POLA2: variants seen among roughly 807,000 people sequenced by gnomAD.
The protein encoded by POLA2 is DNA polymerase alpha subunit B.
In POLA2, 47 loss-of-function variants were observed where a neutral mutation model predicts 82.8. The observed-to-expected ratio is 0.57, with a 90% CI of 0.45 to 0.72. The LOEUF is 0.72. POLA2 is among the 30% of genes least tolerant of loss of function. POLA2 has a pLI of 0.00. For synonymous variants in POLA2, 287 were observed against 286.8 expected, an observed-to-expected ratio of 1.00 and a Z score of -0.01; for missense variants, 634 against 728.1, an observed-to-expected ratio of 0.87 and a Z score of 1.49.
At chr11:65,270,594 AAGAACCTTGG>A (rs536898484) in intron 4 of POLA2, among the ~76,000 whole-genome samples, 81 of 152,312 alleles carry the variant, frequency 5.3e-4, no homozygotes, top group Middle Eastern at 3.4e-3. Flanking sequence ...GACTCAGGCC[AAGAACCTTGG>A]AGACCTCCTT....
At chr11:65,281,224 T>C (rs1297015182) in intron 8 of POLA2, 77 bp downstream of exon 8, 6 of 1,424,744 alleles carry the variant, frequency 4.2e-6, no homozygotes, top group Non-Finnish European at 3.9e-6. Flanking sequence ...CATGCGCAGC[T>C]GCTCCTCAGT....
chr11:65,294,021 A>G, intron 13 of POLA2, 132 bp from the exon 14 acceptor site: 1 of 771,168 alleles, frequency 1.3e-6, no homozygotes, highest in South Asian at 1.4e-5. Context: ...TTCATAACAG[A>G]GTGCAGTTCT....
At position 65,262,216 on chromosome 11, in the gene POLA2, C is replaced by T. The variant is rs568716201; in HGVS notation, c.-77C>T. 6.5e-3 allele frequency: 7,459 copies of T among 1,147,842 alleles called. 32 individuals carry two copies. Among genetic ancestry groups the T allele is most frequent in the Non-Finnish European group, 7.8e-3 (6,075 of 778,302 alleles). The allele number at this position is 1,147,842 out of a possible 1,614,324, so 71.1% of individuals were successfully genotyped here. A position where few individuals can be genotyped will look rare whatever the true frequency, so the allele number is the denominator to read the frequency against. Reference sequence around the variant, plus strand: ...GGATAAGAGGGCGAGGAGCTCATCGCTCGCCACCCCCGTGGGCTTCTTGGG... The same window carrying T: ...GGATAAGAGGGCGAGGAGCTCATCGTTCGCCACCCCCGTGGGCTTCTTGGG... On this transcript the variant is annotated 5_prime_UTR_variant, in exon 1 of 18. Coordinates refer to ENST00000265465, the MANE Select transcript of POLA2 (RefSeq NM_002689.4).
chr11:65,271,838 G>GAA (rs1213411869), intron 4 of POLA2, among the ~76,000 whole-genome samples: 879 of 83,274 alleles, frequency 0.011, 15 homozygotes, highest in African/African-American at 0.036. Flanking sequence ...GACTCCGTCT[G>GAA]AAAAAAAAAA....
downstream of POLA2, among the ~76,000 whole-genome samples, chr11:65,299,474 C>T (rs1949846263): frequency 6.6e-6 from 1 of 152,164 alleles, no homozygotes; most frequent in South Asian, 2.1e-4. Context: ...CCTGGGAACC[C>T]AAGTGGGTGC....
At chr11:65,295,793 C>G (rs1370190442) in intron 16 of POLA2, 71 bp from the exon 17 acceptor site, 2 of 1,563,822 alleles carry the variant, frequency 1.3e-6, no homozygotes, top group South Asian at 1.1e-5. Flanking sequence ...AAGCCAGTAC[C>G]TAGGGGGACT....
chr11:65,275,525 G>A (rs1387218131), intron 4 of POLA2, among the ~76,000 whole-genome samples: 1 of 152,170 alleles, frequency 6.6e-6, no homozygotes. Flanking sequence ...AGGAAAATGT[G>A]TACACATAGA....
At chr11:65,291,757 C>T (rs988364606) in intron 13 of POLA2, among the ~76,000 whole-genome samples, 1 of 152,210 alleles carries the variant, frequency 6.6e-6, no homozygotes, top group African/African-American at 2.4e-5. Context: ...ACAGATGAGG[C>T]ATTGTCACAC....
intron 4 of POLA2, among the ~76,000 whole-genome samples, chr11:65,273,565 A>G (rs906783370): frequency 3.3e-5 from 5 of 151,912 alleles, no homozygotes; most frequent in Non-Finnish European, 7.4e-5. Flanking sequence ...GCCCCACAAC[A>G]CTGGCCGTGG....
intron 1 of POLA2, 76 bp downstream of exon 1, chr11:65,262,447 A>T (rs1949409931): frequency 2.5e-6 from 3 of 1,224,360 alleles, no homozygotes; most frequent in Non-Finnish European, 3.4e-6. Flanking sequence ...TAGAACCGAA[A>T]GTGGAGCGCT....
At position 65,264,170 on chromosome 11, in the gene POLA2, C is replaced by T. The variant is rs150943541; in HGVS notation, c.79+1799C>T. ...GCAACCTCTGCCTCCCGAGTTCAAG[C>T]GGTTCTCCTGCCTCAGCCTCCCGAG... On this transcript the variant is annotated intron_variant, in intron 1 of 17. Transcript: ENST00000265465. Among the ~76,000 whole-genome samples the T allele has an allele frequency of 3.9e-3, 594 of 152,228 alleles. 2 individuals carry two copies. The highest frequency in any genetic ancestry group is 6.8e-3 in the Middle Eastern group (2 of 294).
At chr11:65,287,934 CT>C in intron 11 of POLA2, 94 bp downstream of exon 11, 2 of 1,179,738 alleles carry the variant, frequency 1.7e-6, no homozygotes, top group Non-Finnish European at 2.4e-6. Flanking sequence ...GTCCCTCCTC[CT>C]TTTAGAAAAT....
chr11:65,304,692 T>C (rs1949877439), intron 8 of POLA2, among the ~76,000 whole-genome samples: 1 of 151,360 alleles, frequency 6.6e-6, no homozygotes, highest in Non-Finnish European at 1.5e-5. Flanking sequence ...CCAGGTGAGG[T>C]GGAGGGAGCA....
In POLA2 at chr11:65,294,638, C is replaced by A; in HGVS notation, c.1446C>A (p.Ala482=). The change falls in exon 15 of 18, where the codon GCC becomes GCA. Residue 482 remains alanine, a synonymous_variant. Coordinates refer to ENST00000265465, the MANE Select transcript of POLA2 (RefSeq NM_002689.4). ...TSTDLLFHLG[A]EEISSSSGTS... ...CAGATCTGCTTTTCCACCTGGGGGCCGAGGAGATCAGTAGGTAAGAAGTGT... is the reference window on the plus strand; with the variant it reads ...CAGATCTGCTTTTCCACCTGGGGGCAGAGGAGATCAGTAGGTAAGAAGTGT... 6.2e-7 allele frequency: 1 copy of A among 1,612,696 alleles called. No individual in the cohort carries two copies. Among genetic ancestry groups the A allele is most frequent in the Non-Finnish European group, 8.5e-7 (1 of 1,178,844 alleles).
downstream of POLA2, among the ~76,000 whole-genome samples, chr11:65,301,342 C>G (rs756397064): frequency 3.3e-5 from 5 of 152,148 alleles, no homozygotes; most frequent in South Asian, 1.0e-3. Context: ...CTGTGCCTCA[C>G]CCTGACCACC....
At chr11:65,296,357 C>A (rs1949810735) in intron 17 of POLA2, 1 of 220,354 alleles carries the variant, frequency 4.5e-6, no homozygotes, top group Admixed American at 5.1e-5. Context: ...GTGGGCTCAG[C>A]TGGGAATACC....
intron 3 of POLA2, 79 bp downstream of exon 3, chr11:65,267,647 T>A: frequency 1.1e-6 from 1 of 949,060 alleles, no homozygotes; most frequent in African/African-American, 1.7e-5. Context: ...ATGTGTAATT[T>A]AAAAACAAAT....
chr11:65,278,016 T>A (rs1328275592), intron 5 of POLA2, among the ~76,000 whole-genome samples: 1 of 152,224 alleles, frequency 6.6e-6, no homozygotes, highest in African/African-American at 2.4e-5. Flanking sequence ...AAACAAAGCC[T>A]GTTTTAAATA....
At chr11:65,291,861 A>T (rs1285881226) in intron 13 of POLA2, among the ~76,000 whole-genome samples, 1 of 152,232 alleles carries the variant, frequency 6.6e-6, no homozygotes, top group Non-Finnish European at 1.5e-5. Flanking sequence ...TAGAAACAGT[A>T]TATAAACAGT....
Sources: gnomAD v4.1 joint callset for allele counts (sites outside exome capture counted in the v4.1 genomes callset) on GRCh38, gnomAD v4.1.1 for gene constraint, MANE v1.5 for transcripts, NCBI Gene and HGNC (gene_info 2026-07-23, HGNC 2026-07-21) for gene names.